HDGFL3: variants seen among roughly 807,000 people sequenced by gnomAD.
HDGFL3 encodes the protein hepatoma-derived growth factor-related protein 3.
HDGFL3 carries 6 observed loss-of-function variants against 27.6 expected under a neutral mutation model. The ratio of observed to expected loss-of-function variants is 0.22; its 90% CI spans 0.12 to 0.43. HDGFL3 has a LOEUF of 0.43. HDGFL3 is among the 20% of genes least tolerant of loss of function. The pLI, the probability that HDGFL3 is intolerant of heterozygous loss-of-function variation, is 1.00. For missense variants in HDGFL3, 207 were observed against 250.1 expected (o/e 0.83, Z 1.16); for synonymous variants, 88 against 88.9 (o/e 0.99, Z 0.05).
At chr15:83,168,680 C>A (rs544117178) in intron 1 of HDGFL3, among the ~76,000 whole-genome samples, 73 of 152,192 alleles carry the variant, frequency 4.8e-4, no homozygotes, top group Non-Finnish European at 8.8e-4. Flanking sequence ...GATGGATTCA[C>A]AGCCAAATTC....
In HDGFL3 at chr15:83,169,079, C is replaced by G. The variant is rs116003240; in HGVS notation, c.85-5004G>C. On this transcript the variant is annotated intron_variant, in intron 1 of 5. Coordinates refer to ENST00000299633, the MANE Select transcript of HDGFL3 (RefSeq NM_016073.4). Reference sequence around the variant, plus strand: ...GCTTTTGATAAAATCCCTTCATGATCAAAACCCTCAAGAAACTAGGTATTG... The same window carrying G: ...GCTTTTGATAAAATCCCTTCATGATGAAAACCCTCAAGAAACTAGGTATTG... The G allele has an allele frequency of 5.6e-3, 1,048 of 188,648 alleles. 16 individuals carry two copies. Among genetic ancestry groups the G allele is most frequent in the African/African-American group, 0.024 (996 of 42,124 alleles). 11.7% of individuals were successfully genotyped at this position (188,648 alleles called of 1,614,324 possible).
rs746478677 is a variant in HDGFL3 at position 83,164,067 on chromosome 15, T to A, written c.93A>T (p.Glu31Asp). The A allele has an allele frequency of 6.2e-7, 1 of 1,602,862 alleles. No homozygotes were observed. The highest frequency in any genetic ancestry group is 8.5e-7 in the Non-Finnish European group (1 of 1,174,948). The change falls in exon 2 of 6, where the codon GAA (glutamate) becomes GAT (aspartate). Residue 31 changes from glutamate to aspartate, a missense_variant. Coordinates refer to ENST00000299633, the MANE Select transcript of HDGFL3 (RefSeq NM_016073.4). Reference protein sequence around the residue: ...GYPHWPARIDELPEGAVKPPA... With the variant: ...GYPHWPARIDDLPEGAVKPPA... ...GAGGCTTCACAGCGCCCTCTGGGAGTTCATCAATCTATGAAAGATACATTT... is the reference window on the plus strand; with the variant it reads ...GAGGCTTCACAGCGCCCTCTGGGAGATCATCAATCTATGAAAGATACATTT...
intron 1 of HDGFL3, among the ~76,000 whole-genome samples, chr15:83,172,663 C>T (rs566362079): frequency 8.6e-4 from 131 of 152,036 alleles, no homozygotes; most frequent in Non-Finnish European, 1.4e-3. Context: ...CATGGTGAAA[C>T]TCCGTCTCTA....
At chr15:83,200,860 T>C (rs1320781895) in intron 1 of HDGFL3, among the ~76,000 whole-genome samples, 1 of 150,386 alleles carries the variant, frequency 6.6e-6, no homozygotes, top group Non-Finnish European at 1.5e-5. Flanking sequence ...TTTATTCTTT[T>C]TTTTTTTTTT....
At chr15:83,176,010 A>G (rs2151413183) in intron 1 of HDGFL3, among the ~76,000 whole-genome samples, 1 of 152,354 alleles carries the variant, frequency 6.6e-6, no homozygotes, top group East Asian at 1.9e-4. Context: ...TAATGGGATG[A>G]TAGGTACCTA....
downstream of HDGFL3, chr15:83,127,350 C>G (rs750599062): frequency 6.2e-7 from 1 of 1,607,492 alleles, no homozygotes; most frequent in Non-Finnish European, 8.5e-7. Flanking sequence ...TTTCTCTGTT[C>G]AATACAGATG....
At chr15:83,191,406 CTAAA>C in intron 1 of HDGFL3, among the ~76,000 whole-genome samples, 1 of 152,104 alleles carries the variant, frequency 6.6e-6, no homozygotes, top group East Asian at 1.9e-4. Flanking sequence ...TTAAGAAGGC[CTAAA>C]TAAATATAAA....
intron 4 of HDGFL3, among the ~76,000 whole-genome samples, chr15:83,155,210 A>G (rs1464002941): frequency 6.6e-6 from 1 of 152,260 alleles, no homozygotes; most frequent in South Asian, 2.1e-4. Flanking sequence ...CAAGGAAAGC[A>G]AAGGAAATGA....
chr15:83,176,319 T>C (rs1249031422), intron 1 of HDGFL3, among the ~76,000 whole-genome samples: 3 of 152,238 alleles, frequency 2.0e-5, no homozygotes, highest in Admixed American at 2.0e-4. Context: ...AATTGGTTTA[T>C]AGATGTCGGT....
chr15:83,140,285 G>A (rs1359631748), intron 5 of HDGFL3, among the ~76,000 whole-genome samples: 1 of 151,976 alleles, frequency 6.6e-6, no homozygotes, highest in East Asian at 1.9e-4. Context: ...CTATTAAAAT[G>A]AGGAAGTAAA....
At chr15:83,164,170 C>A in intron 1 of HDGFL3, 95 bp from the exon 2 acceptor site, 2 of 801,878 alleles carry the variant, frequency 2.5e-6, no homozygotes, top group South Asian at 1.9e-5. Flanking sequence ...AAAATAAAAT[C>A]AATCAAAACT....
intron 1 of HDGFL3, among the ~76,000 whole-genome samples, chr15:83,205,171 T>G (rs1198807514): frequency 6.6e-6 from 1 of 152,162 alleles, no homozygotes; most frequent in African/African-American, 2.4e-5. Flanking sequence ...CAGCTATACC[T>G]AGGTGTAAGA....
downstream of HDGFL3, chr15:83,123,016 T>A: frequency 1.1e-6 from 1 of 919,658 alleles, no homozygotes; most frequent in Non-Finnish European, 1.6e-6. Flanking sequence ...TTTGATTATG[T>A]AGCATTAGCT....
At chr15:83,145,771 C>T (rs1031232106) in intron 5 of HDGFL3, among the ~76,000 whole-genome samples, 3 of 151,586 alleles carry the variant, frequency 2.0e-5, no homozygotes, top group Non-Finnish European at 4.4e-5. Context: ...TTCTAACATT[C>T]TGGTATCTCA....
intron 1 of HDGFL3, among the ~76,000 whole-genome samples, chr15:83,178,115 T>C (rs1465735212): frequency 6.6e-6 from 1 of 152,226 alleles, no homozygotes; most frequent in Non-Finnish European, 1.5e-5. Context: ...TGCTTTGAAC[T>C]ATAATAACTG....
chr15:83,137,206 A>G lies in HDGFL3; in HGVS notation c.*2064T>C, dbSNP rs1368841670. 1 of 152,202 alleles carries G rather than the reference A, an allele frequency of 6.6e-6. No homozygotes were observed. The highest frequency in any genetic ancestry group is 2.4e-5 in the African/African-American group (1 of 41,454). 9.4% of individuals were successfully genotyped at this position (152,202 alleles called of 1,614,324 possible). A position where few individuals can be genotyped will look rare whatever the true frequency, so the allele number is the denominator to read the frequency against. On this transcript the variant is annotated 3_prime_UTR_variant, in exon 6 of 6. Transcript: ENST00000299633. ...TATTTGCTGCTGTTTCAAGAAAATTACTTTTACTAAATTTTTTTGTGTGAA... is the reference window on the plus strand; with the variant it reads ...TATTTGCTGCTGTTTCAAGAAAATTGCTTTTACTAAATTTTTTTGTGTGAA...
chr15:83,136,719 T>A lies in HDGFL3; in HGVS notation c.*2551A>T. ...CTTTCTAAATTACTAACTTTTGTTA[T>A]ACTGGTACTGATATTTTGTCCCATT... is the stretch of plus-strand genomic sequence containing the variant. On this transcript the variant is annotated 3_prime_UTR_variant, in exon 6 of 6. Transcript: ENST00000299633. 1.4e-6 allele frequency: 2 copies of A among 1,480,702 alleles called. No homozygotes were observed. The highest frequency in any genetic ancestry group is 1.8e-6 in the Non-Finnish European group (2 of 1,089,112). 91.7% of individuals were successfully genotyped at this position (1,480,702 alleles called of 1,614,324 possible).
chr15:83,154,280 G>A (rs1200405709), intron 4 of HDGFL3, among the ~76,000 whole-genome samples: 1 of 151,182 alleles, frequency 6.6e-6, no homozygotes, highest in African/African-American at 2.4e-5. Flanking sequence ...AGGTTGCAGT[G>A]AGCTGAGATT....
chr15:83,124,834 G>GA (rs934180875), downstream of HDGFL3: 18 of 1,369,110 alleles, frequency 1.3e-5, no homozygotes, highest in Non-Finnish European at 1.8e-5. Flanking sequence ...TTTCCAAATG[G>GA]AAAAAAACTT....
Sources: allele counts gnomAD v4.1 joint callset (sites outside exome capture counted in the v4.1 genomes callset), GRCh38; gene constraint gnomAD v4.1.1; transcripts MANE v1.5; gene names NCBI Gene and HGNC (gene_info 2026-07-23, HGNC 2026-07-21).